Variants in SEMA4D observed in about 807,000 individuals in gnomAD.
SEMA4D encodes the protein semaphorin-4D.
Under a neutral mutation model 74.8 loss-of-function variants are expected in SEMA4D, and 22 were observed. The ratio of observed to expected loss-of-function variants is 0.29; its 90% CI spans 0.21 to 0.42. SEMA4D has a LOEUF of 0.42. SEMA4D is among the 10% of genes least tolerant of loss of function. The pLI is 1.00. For missense variants in SEMA4D, 937 were observed against 1,118.4 expected, an observed-to-expected ratio of 0.84 and a Z score of 2.31; for synonymous variants, 445 against 463.7, an observed-to-expected ratio of 0.96 and a Z score of 0.52.
At chr9:89,400,264 C>G (rs573972683) in intron 4 of SEMA4D, among the ~76,000 whole-genome samples, 1 of 152,210 alleles carries the variant, frequency 6.6e-6, no homozygotes, top group Non-Finnish European at 1.5e-5. Flanking sequence ...GCCTTAGCCC[C>G]TTGCCCTCCA....
chr9:89,449,633 T>C (rs4075521), intron 2 of SEMA4D: 1,257,308 of 1,294,874 alleles, frequency 0.97, 612,664 homozygotes, highest in Non-Finnish European at 1. Context: ...GATGGGGGGG[T>C]GACATTGCCA....
intron 5 of SEMA4D, among the ~76,000 whole-genome samples, chr9:89,397,853 C>G (rs1266562053): frequency 1.3e-5 from 2 of 152,158 alleles, no homozygotes; most frequent in Non-Finnish European, 2.9e-5. Context: ...GGAAGAATGC[C>G]CAGTGCCAGG....
chr9:89,375,227 G>A (rs1564509911), downstream of SEMA4D, among the ~76,000 whole-genome samples: 1 of 152,168 alleles, frequency 6.6e-6, no homozygotes, highest in Non-Finnish European at 1.5e-5. Flanking sequence ...GCTGCGACAG[G>A]ACACAGTCTC....
rs1362959777 is a variant in SEMA4D at position 89,391,508 on chromosome 9, G to T, written c.623-93C>A. ...CGAGGCCGGCCAACACTACCTTGGGGGCCTGAGGGCTTCCCTGCAAGGATG... is the reference window on the plus strand; with the variant it reads ...CGAGGCCGGCCAACACTACCTTGGGTGCCTGAGGGCTTCCCTGCAAGGATG... On this transcript the variant is annotated intron_variant, in intron 8 of 15. Coordinates refer to ENST00000422704, the MANE Select transcript of SEMA4D (RefSeq NM_001371194.2). The T allele has an allele frequency of 7.3e-6, 9 of 1,235,846 alleles. No individual in the cohort carries two copies. In the Admixed American group the frequency reaches 1.5e-4, roughly 20 times the overall value. The allele number at this position is 1,235,846 out of a possible 1,614,324, so 76.6% of individuals were successfully genotyped here. A position where few individuals can be genotyped will look rare whatever the true frequency, so the allele number is the denominator to read the frequency against.
chr9:89,405,883 G>A, intron 2 of SEMA4D, 184 bp from the exon 3 acceptor site: 1 of 1,226,230 alleles, frequency 8.2e-7, no homozygotes, highest in Non-Finnish European at 1.0e-6. Flanking sequence ...GGAAAGCGAA[G>A]CCAGGGTCTT....
At chr9:89,472,354 G>A in intron 1 of SEMA4D, 1 of 412,998 alleles carries the variant, frequency 2.4e-6, no homozygotes, top group Admixed American at 2.6e-5. Flanking sequence ...TTGAGAAGAT[G>A]ATGGAGACAA....
intron 2 of SEMA4D, chr9:89,450,685 A>AAAAAAAAAAAAAAAAAAAAAAAAAAAAC: frequency 1.0e-6 from 1 of 988,658 alleles, no homozygotes; most frequent in Non-Finnish European, 1.5e-6. Context: ...AAAAAAAAAA[A>AAAAAAAAAAAAAAAAAAAAAAAAAAAAC]AAGGCCTCCA....
chr9:89,372,130 TG>T (rs1835098876), intron 16 of SEMA4D, among the ~76,000 whole-genome samples: 1 of 26,194 alleles, frequency 3.8e-5, no homozygotes, highest in Non-Finnish European at 7.0e-5. Flanking sequence ...GGGGTGTGTG[TG>T]TTGGGGGGCG....
intron 18 of SEMA4D, among the ~76,000 whole-genome samples, chr9:89,362,889 A>G (rs1446934417): frequency 6.6e-6 from 1 of 152,138 alleles, no homozygotes; most frequent in African/African-American, 2.4e-5. Flanking sequence ...GGGGCTGGAC[A>G]ACTTTGTCTC....
At chr9:89,425,685 C>T (rs898378033) in intron 2 of SEMA4D, among the ~76,000 whole-genome samples, 4 of 152,216 alleles carry the variant, frequency 2.6e-5, no homozygotes, top group African/African-American at 9.7e-5. Context: ...ACTGGCTGTA[C>T]ATCCACCCCC....
At position 89,386,492 on chromosome 9, in the gene SEMA4D, C is replaced by A; in HGVS notation, c.1331-10G>T. On this transcript the variant is annotated splice_polypyrimidine_tract_variant and intron_variant, in intron 12 of 15. Coordinates refer to ENST00000422704, the MANE Select transcript of SEMA4D (RefSeq NM_001371194.2). ...TGCAGAGCTCCCCGGTCTGCAGGGC[C>A]AAAGCTACAGGTCAGTGACACTAAC... The A allele has an allele frequency of 6.2e-7, 1 of 1,602,222 alleles. No individual in the cohort carries two copies. The highest frequency in any genetic ancestry group is 8.6e-7 in the Non-Finnish European group (1 of 1,169,422).
intron 2 of SEMA4D, among the ~76,000 whole-genome samples, chr9:89,440,627 C>G (rs2135091300): frequency 6.6e-6 from 1 of 152,322 alleles, no homozygotes; most frequent in South Asian, 2.1e-4. Context: ...CTCTGAGCTC[C>G]CCGGCACCTC....
intron 1 of SEMA4D, among the ~76,000 whole-genome samples, chr9:89,476,665 C>T (rs778798217): frequency 6.6e-6 from 1 of 152,194 alleles, no homozygotes; most frequent in African/African-American, 2.4e-5. Context: ...GAGCCAATTC[C>T]TTGTAATGTC....
chr9:89,480,215 C>T (rs1450810026), intron 1 of SEMA4D, among the ~76,000 whole-genome samples: 1 of 151,614 alleles, frequency 6.6e-6, no homozygotes, highest in East Asian at 1.9e-4. Flanking sequence ...CTCACCAGAG[C>T]AGCTAGATAC....
intron 1 of SEMA4D, among the ~76,000 whole-genome samples, chr9:89,482,159 G>A (rs2136197702): frequency 6.6e-6 from 1 of 152,290 alleles, no homozygotes; most frequent in South Asian, 2.1e-4. Context: ...GCTCACAGCG[G>A]TCAGAGCACT....
At position 89,396,853 on chromosome 9, in the gene SEMA4D, G is replaced by C; in HGVS notation, c.316-18C>G. On this transcript the variant is annotated intron_variant, in intron 5 of 15. Transcript: ENST00000422704. The stretch of plus-strand genomic sequence containing the variant: ...CACTCTGTCTGCAGGGAAGAGAAAT[G>C]CACCATTAGCAACCGTCCAGCCCAG... 1.2e-6 allele frequency: 2 copies of C among 1,604,042 alleles called. No homozygotes were observed. The highest frequency in any genetic ancestry group is 1.7e-6 in the Non-Finnish European group (2 of 1,173,514).
In SEMA4D at chr9:89,405,626, G is replaced by C. The variant is rs551202605; in HGVS notation, c.-170C>G. ...AGAATCCACATTTCCCAGTTCTCCA[G>C]GTGAGGAGGGGTCGCTCTCACCACC... On this transcript the variant is annotated 5_prime_UTR_variant, in exon 3 of 16. Coordinates refer to ENST00000422704, the MANE Select transcript of SEMA4D (RefSeq NM_001371194.2). 1.4e-6 allele frequency: 2 copies of C among 1,434,842 alleles called. No homozygotes were observed. The highest frequency in any genetic ancestry group is 3.0e-5 in the South Asian group (2 of 67,654). 88.9% of individuals were successfully genotyped at this position (1,434,842 alleles called of 1,614,324 possible).
intron 3 of SEMA4D, among the ~76,000 whole-genome samples, chr9:89,403,849 T>C (rs146154654): frequency 3.3e-5 from 5 of 152,296 alleles, no homozygotes; most frequent in Middle Eastern, 3.4e-3. Flanking sequence ...CGACTGCTTG[T>C]GTCCAGGAGA....
chr9:89,383,381 G>C (rs1837633932), intron 13 of SEMA4D, among the ~76,000 whole-genome samples: 1 of 152,164 alleles, frequency 6.6e-6, no homozygotes, highest in Non-Finnish European at 1.5e-5. Flanking sequence ...TCATACAGAT[G>C]CCCCATCCCC....
Sources: gnomAD v4.1 joint callset for allele counts (sites outside exome capture counted in the v4.1 genomes callset) on GRCh38, gnomAD v4.1.1 for gene constraint, MANE v1.5 for transcripts, NCBI Gene and HGNC (gene_info 2026-07-23, HGNC 2026-07-21) for gene names.